Variants in SCMH1 observed in about 807,000 individuals in gnomAD.
SCMH1 encodes polycomb protein SCMH1.
SCMH1 carries 37 observed loss-of-function variants against 70.8 expected under a neutral mutation model. The ratio of observed to expected loss-of-function variants is 0.52; its 90% CI spans 0.40 to 0.69. The LOEUF (loss-of-function observed/expected upper bound fraction) is 0.69, where lower values mean the gene tolerates loss of function less well. Among genes scored for constraint, SCMH1 ranks in the 30% least tolerant of loss-of-function variants. The probability of loss-of-function intolerance (pLI) is 0.00; values close to 1 mark genes in which losing one functional copy is unlikely to be tolerated. For missense variants in SCMH1, 607 were observed against 827.3 expected (o/e 0.73, Z 3.27); for synonymous variants, 292 against 307.4 (o/e 0.95, Z 0.52).
chr1:41,171,629 A>G (rs1297177994), intron 2 of SCMH1, among the ~76,000 whole-genome samples: 1 of 152,204 alleles, frequency 6.6e-6, no homozygotes, highest in African/African-American at 2.4e-5. Flanking sequence ...CACATGAAGC[A>G]TTCTCCAAAT....
rs1646561241 is a variant in SCMH1 at position 41,168,505 on chromosome 1, C to G, written c.14-7073G>C. Reference sequence around the variant, plus strand: ...TTTGGTACTATTTTATACTTTCTATCTCTTTGTCAAAGTTCTTAGTTTGTT... The same window carrying G: ...TTTGGTACTATTTTATACTTTCTATGTCTTTGTCAAAGTTCTTAGTTTGTT... On this transcript the variant is annotated intron_variant, in intron 2 of 14. Transcript: ENST00000337495. 3.3e-5 allele frequency among the ~76,000 whole-genome samples: 5 copies of G among 152,132 alleles called. 1 individual carries two copies. Among genetic ancestry groups the G allele is most frequent in the African/African-American group, 1.2e-4 (5 of 41,540 alleles).
At chr1:41,083,819 C>T (rs1043316028) in intron 8 of SCMH1, among the ~76,000 whole-genome samples, 7 of 149,888 alleles carry the variant, frequency 4.7e-5, no homozygotes, top group African/African-American at 1.7e-4. Flanking sequence ...AGAAATAACA[C>T]CGCATATCTA....
chr1:41,153,601 C>T (rs1645259352), intron 4 of SCMH1, among the ~76,000 whole-genome samples: 1 of 152,144 alleles, frequency 6.6e-6, no homozygotes, highest in South Asian at 2.1e-4. Context: ...GAAACCTCAG[C>T]CCTTTTACCA....
chr1:41,137,535 A>G (rs1296168363), intron 6 of SCMH1, among the ~76,000 whole-genome samples: 2 of 152,234 alleles, frequency 1.3e-5, no homozygotes, highest in Non-Finnish European at 2.9e-5. Context: ...TCTTGCCTTG[A>G]AAGAGCTGTG....
At chr1:41,207,929 T>TATA (rs1352286514) in intron 1 of SCMH1, among the ~76,000 whole-genome samples, 1 of 142,888 alleles carries the variant, frequency 7.0e-6, no homozygotes, top group African/African-American at 2.6e-5. Context: ...TTACTGGGTA[T>TATA]ATACCCAAAG....
intron 2 of SCMH1, among the ~76,000 whole-genome samples, chr1:41,168,659 G>T (rs1646578722): frequency 4.3e-5 from 5 of 116,940 alleles, no homozygotes; most frequent in East Asian, 4.9e-4. Context: ...TTTGGGAATA[G>T]ATTCTCTGTT....
intron 2 of SCMH1, among the ~76,000 whole-genome samples, chr1:41,167,147 T>C (rs748250020): frequency 3.3e-5 from 5 of 152,152 alleles, no homozygotes; most frequent in Admixed American, 6.5e-5. Flanking sequence ...CTCACATTTA[T>C]TCATTTCCAT....
intron 8 of SCMH1, among the ~76,000 whole-genome samples, chr1:41,103,847 T>C (rs1423203818): frequency 6.6e-6 from 1 of 152,160 alleles, no homozygotes; most frequent in Admixed American, 6.5e-5. Context: ...TCTGGTCCCT[T>C]GGGCAGACCT....
rs373229472 is a variant in SCMH1 at position 41,089,787 on chromosome 1, CTT to C, written c.746-14338_746-14337del. Among the ~76,000 whole-genome samples, 457 of 58,716 alleles carry C rather than the reference CTT, an allele frequency of 7.8e-3. 9 individuals carry two copies. Among genetic ancestry groups the C allele is most frequent in the African/African-American group, 0.031 (417 of 13,568 alleles). The allele number at this position is 58,716 out of a possible 152,430, so 38.5% of individuals were successfully genotyped here. On this transcript the variant is annotated intron_variant, in intron 8 of 14. Transcript: ENST00000337495. The stretch of plus-strand genomic sequence containing the variant: ...TTATTCCACTCTAACCATGTTGTCT[CTT>C]TTTTTTTTTTTTTTTTTTTTGAGAC...
chr1:41,238,487 C>G (rs909365312), intron 1 of SCMH1, among the ~76,000 whole-genome samples: 13 of 152,290 alleles, frequency 8.5e-5, no homozygotes, highest in African/African-American at 3.1e-4. Flanking sequence ...AAGGTTTGCA[C>G]CATCTGGCTA....
At chr1:41,234,977 C>T (rs1662069119) in intron 1 of SCMH1, among the ~76,000 whole-genome samples, 2 of 152,068 alleles carry the variant, frequency 1.3e-5, no homozygotes, top group Non-Finnish European at 2.9e-5. Flanking sequence ...CAGGGTTTCA[C>T]CAAGTTGCCC....
intron 8 of SCMH1, among the ~76,000 whole-genome samples, chr1:41,086,636 A>G (rs1400760562): frequency 6.6e-6 from 1 of 152,080 alleles, no homozygotes. Context: ...CAGGCACTGT[A>G]GCTCACACTG....
intron 1 of SCMH1, among the ~76,000 whole-genome samples, chr1:41,189,242 C>T (rs1002336589): frequency 1.2e-4 from 19 of 152,184 alleles, no homozygotes; most frequent in African/African-American, 3.4e-4. Context: ...CTCTGCCTCG[C>T]GGGTTCCAGC....
chr1:41,103,260 T>G (rs1176513883), intron 8 of SCMH1, among the ~76,000 whole-genome samples: 1 of 152,090 alleles, frequency 6.6e-6, no homozygotes, highest in Non-Finnish European at 1.5e-5. Flanking sequence ...GTCTCTTAAG[T>G]TGCTACGATT....
intron 1 of SCMH1, among the ~76,000 whole-genome samples, chr1:41,220,705 G>A (rs1659077362): frequency 6.6e-6 from 1 of 152,190 alleles, no homozygotes; most frequent in Non-Finnish European, 1.5e-5. Context: ...TTTGACAAAA[G>A]CGCATAATCT....
chr1:41,133,653 A>G (rs1029138671), intron 6 of SCMH1, among the ~76,000 whole-genome samples: 10 of 152,350 alleles, frequency 6.6e-5, no homozygotes, highest in Non-Finnish European at 1.3e-4. Flanking sequence ...AGAATACTAT[A>G]AACGCCTCTA....
At position 41,028,288 on chromosome 1, in the gene SCMH1, C is replaced by T. The variant is rs753891493; in HGVS notation, c.1853G>A (p.Arg618His). ...CATGTACTTCATCATCATGTCACTG[C>T]GCAGCAGCAGCAGGGCCTTGCCATC... Residue 618 changes from arginine to histidine, a missense_variant, in exon 15 of 15, where the codon CGC becomes CAC. This residue lies in a region of SCMH1 where 430 missense variants were observed against 528.2 expected (regional missense o/e 0.81). Coordinates refer to ENST00000337495, the Ensembl canonical transcript of SCMH1. 33 of 1,613,666 alleles carry T rather than the reference C, an allele frequency of 2.0e-5. No homozygotes were observed. The highest frequency in any genetic ancestry group is 1.6e-4 in the South Asian group (15 of 91,060).
intron 9 of SCMH1, 132 bp from the exon 10 acceptor site, chr1:41,070,853 C>T (rs1360517561): frequency 2.7e-6 from 3 of 1,106,132 alleles, no homozygotes; most frequent in African/African-American, 3.1e-5. Context: ...GTTCTCTACA[C>T]AGCATCTGGC....
chr1:41,215,016 A>G (rs1307908729), intron 1 of SCMH1, among the ~76,000 whole-genome samples: 1 of 152,176 alleles, frequency 6.6e-6, no homozygotes, highest in Non-Finnish European at 1.5e-5. Context: ...TATACTCAGC[A>G]CTTTGGAACA....
Sources: gnomAD v4.1 joint callset for allele counts (sites outside exome capture counted in the v4.1 genomes callset) on GRCh38, gnomAD v4.1.1 for gene constraint, gnomAD v4.1.1 regional missense constraint, MANE v1.5 for transcripts, NCBI Gene and HGNC (gene_info 2026-07-23, HGNC 2026-07-21) for gene names.